The following LOC128462377 variants were observed in gnomAD, a reference collection of about 807,000 sequenced individuals.
chr16:89,349,787 T>C, the LOC128462377 span, among the ~76,000 whole-genome samples: 1 of 151,212 alleles, frequency 6.6e-6, no homozygotes, highest in East Asian at 1.9e-4. Context: ...GAAGTTGGAC[T>C]TCATCAAACT....
At chr16:89,367,094 C>T in the LOC128462377 span, among the ~76,000 whole-genome samples, 3 of 152,324 alleles carry the variant, frequency 2.0e-5, no homozygotes, top group South Asian at 6.2e-4. Flanking sequence ...CAAGATGCCA[C>T]CCCGAGACTC....
chr16:89,360,913 G>C, the LOC128462377 span, among the ~76,000 whole-genome samples: 1 of 152,180 alleles, frequency 6.6e-6, no homozygotes, highest in Non-Finnish European at 1.5e-5. Context: ...ACGGTCTCTT[G>C]CCCCTGCACT....
the LOC128462377 span, chr16:89,395,828 G>A: frequency 1.3e-5 from 2 of 152,204 alleles, no homozygotes; most frequent in Admixed American, 1.3e-4. Context: ...TGATGAGCCA[G>A]TTCACTGGAG....
chr16:89,391,252 T>C, the LOC128462377 span, among the ~76,000 whole-genome samples: 2 of 148,660 alleles, frequency 1.3e-5, no homozygotes, highest in African/African-American at 5.0e-5. Flanking sequence ...AAAAAAATGA[T>C]TGAACCCAAG....
the LOC128462377 span, among the ~76,000 whole-genome samples, chr16:89,394,039 G>C: frequency 6.6e-6 from 1 of 152,166 alleles, no homozygotes; most frequent in Non-Finnish European, 1.5e-5. Flanking sequence ...CAACACAGCG[G>C]TGCCTGCAGC....
the LOC128462377 span, among the ~76,000 whole-genome samples, chr16:89,384,168 C>T: frequency 4.6e-3 from 708 of 152,300 alleles, 4 homozygotes; most frequent in African/African-American, 0.016. Context: ...TTGCAGTGAG[C>T]TGAGATGTGC....
At chr16:89,402,301 G>A in the LOC128462377 span, among the ~76,000 whole-genome samples, 1 of 152,166 alleles carries the variant, frequency 6.6e-6, no homozygotes, top group Non-Finnish European at 1.5e-5. Context: ...GCTTGTCTCA[G>A]CGATACTAAT....
At chr16:89,356,469 G>A in the LOC128462377 span, among the ~76,000 whole-genome samples, 4 of 151,992 alleles carry the variant, frequency 2.6e-5, no homozygotes, top group Non-Finnish European at 5.9e-5. Flanking sequence ...TCCAATGTCA[G>A]CTCTATAAAG....
chr16:89,350,220 C>T, the LOC128462377 span, among the ~76,000 whole-genome samples: 1 of 152,186 alleles, frequency 6.6e-6, no homozygotes, highest in African/African-American at 2.4e-5. Context: ...AATTCCCATT[C>T]AACGCTGGTG....
the LOC128462377 span, among the ~76,000 whole-genome samples, chr16:89,415,261 CT>C: frequency 0.025 from 2,128 of 84,472 alleles, 40 homozygotes; most frequent in African/African-American, 0.075. Flanking sequence ...GCCAGCTATT[CT>C]TTTTTTTTTT....
the LOC128462377 span, among the ~76,000 whole-genome samples, chr16:89,372,003 G>C: frequency 6.6e-5 from 10 of 152,206 alleles, no homozygotes; most frequent in Non-Finnish European, 1.3e-4. Context: ...GGACCGGTTT[G>C]TCACGGGCCA....
At chr16:89,381,331 C>CA in the LOC128462377 span, among the ~76,000 whole-genome samples, 5,856 of 75,828 alleles carry the variant, frequency 0.077, 287 homozygotes, top group Non-Finnish European at 0.11. Flanking sequence ...GACTCTGCTG[C>CA]AAAAAAAAAA....
the LOC128462377 span, among the ~76,000 whole-genome samples, chr16:89,375,239 G>A: frequency 1.3e-5 from 2 of 152,058 alleles, no homozygotes; most frequent in South Asian, 2.1e-4. Flanking sequence ...GACACTAATC[G>A]TCTCCGCGTG....
the LOC128462377 span, among the ~76,000 whole-genome samples, chr16:89,343,979 C>A: frequency 6.6e-6 from 1 of 152,346 alleles, no homozygotes; most frequent in South Asian, 2.1e-4. Flanking sequence ...CTCTGACCGA[C>A]TGAACCCAGG....
chr16:89,360,151 T>G, the LOC128462377 span, among the ~76,000 whole-genome samples: 5 of 152,192 alleles, frequency 3.3e-5, no homozygotes, highest in Non-Finnish European at 5.9e-5. Flanking sequence ...AGTCAGAACA[T>G]GTAGTATTTG....
the LOC128462377 span, among the ~76,000 whole-genome samples, chr16:89,390,306 G>A: frequency 1.9e-4 from 28 of 150,188 alleles, no homozygotes; most frequent in African/African-American, 6.8e-4. Flanking sequence ...GGCGAACACC[G>A]AGTGTGGCGT....
the LOC128462377 span, among the ~76,000 whole-genome samples, chr16:89,407,840 C>T: frequency 3.7e-5 from 5 of 133,720 alleles, no homozygotes; most frequent in Non-Finnish European, 7.7e-5. Flanking sequence ...AGAGTCAGAT[C>T]CTGTCTCCCT....
chr16:89,331,563 G>A, the LOC128462377 span, among the ~76,000 whole-genome samples: 5 of 152,162 alleles, frequency 3.3e-5, no homozygotes, highest in Admixed American at 6.5e-5. Context: ...TTTTGATACC[G>A]CTGGGTGTGT....
chr16:89,350,247 T>C, the LOC128462377 span, among the ~76,000 whole-genome samples: 1 of 152,002 alleles, frequency 6.6e-6, no homozygotes, highest in African/African-American at 2.4e-5. Flanking sequence ...CAAAACTGAG[T>C]GGTCACTTTG....
Sources: allele counts gnomAD v4.1 joint callset (sites outside exome capture counted in the v4.1 genomes callset), GRCh38; gene constraint gnomAD v4.1.1; transcripts MANE v1.5.